Variants in RBM47 observed in about 807,000 individuals in gnomAD.
RBM47 encodes RNA-binding protein 47.
In RBM47, 21 loss-of-function variants were observed where a neutral mutation model predicts 47.1. That is an observed-to-expected ratio of 0.45 (90% CI 0.32 to 0.64). The LOEUF (loss-of-function observed/expected upper bound fraction) is 0.64, where lower values mean the gene tolerates loss of function less well. Among genes scored for constraint, RBM47 ranks in the 30% least tolerant of loss-of-function variants. The probability of loss-of-function intolerance (pLI) is 0.05; values close to 1 mark genes in which losing one functional copy is unlikely to be tolerated. For synonymous variants in RBM47, 375 were observed against 361.7 expected (o/e 1.04, Z -0.42); for missense variants, 708 against 870.9 (o/e 0.81, Z 2.35).
In RBM47 at chr4:40,627,648, G is replaced by A. The variant is rs567941346; in HGVS notation, c.-240+1748C>T. Among the ~76,000 whole-genome samples the A allele has an allele frequency of 3.3e-5, 5 of 152,184 alleles. No individual in the cohort carries two copies. The East Asian group carries it at 5.8e-4, about 18-fold the overall frequency. The stretch of plus-strand genomic sequence containing the variant: ...CAATCTTTTAAAAAATCATTACCTA[G>A]AACAGTAAACCAAATAGTCTAATAT... On this transcript the variant is annotated intron_variant, in intron 1 of 6. Coordinates refer to ENST00000295971, the MANE Select transcript of RBM47 (RefSeq NM_001098634.2).
At chr4:40,581,132 A>T (rs1201767496) in intron 1 of RBM47, among the ~76,000 whole-genome samples, 5 of 152,138 alleles carry the variant, frequency 3.3e-5, no homozygotes, top group African/African-American at 1.2e-4. Context: ...GTCTAAAGAA[A>T]AGGAGAAAGC....
In RBM47 at chr4:40,514,967, G is replaced by A. The variant is rs917066031; in HGVS notation, c.-155+29455C>T. Reference sequence around the variant, plus strand: ...GAGTTAATAAAGGGTGGAGTTCACCGGCGAATATGTAGACGCAGTAGCATC... The same window carrying A: ...GAGTTAATAAAGGGTGGAGTTCACCAGCGAATATGTAGACGCAGTAGCATC... On this transcript the variant is annotated intron_variant, in intron 2 of 6. Transcript: ENST00000295971. Among the ~76,000 whole-genome samples the A allele has an allele frequency of 3.9e-5, 6 of 152,178 alleles. No individual in the cohort carries two copies. In the East Asian group the frequency reaches 5.8e-4, roughly 15 times the overall value.
chr4:40,544,846 C>T (rs1577925977), intron 1 of RBM47, among the ~76,000 whole-genome samples: 1 of 152,012 alleles, frequency 6.6e-6, no homozygotes, highest in Non-Finnish European at 1.5e-5. Context: ...GAGGCAGGAG[C>T]ATCACTTTAA....
At chr4:40,560,347 C>T (rs566388144) in intron 1 of RBM47, among the ~76,000 whole-genome samples, 1 of 152,346 alleles carries the variant, frequency 6.6e-6, no homozygotes, top group East Asian at 1.9e-4. Flanking sequence ...TGCCAAGGCA[C>T]AGGTGTTTGA....
chr4:40,540,373 C>T (rs375974932), intron 2 of RBM47, among the ~76,000 whole-genome samples: 1 of 152,130 alleles, frequency 6.6e-6, no homozygotes, highest in Non-Finnish European at 1.5e-5. Context: ...GGCACAGTGG[C>T]TCACCCCTGT....
rs1473403953 is a variant in RBM47, at chr4:40,628,699, A to G, written c.-240+697T>C. Among the ~76,000 whole-genome samples the G allele has an allele frequency of 6.6e-6, 1 of 152,224 alleles. No homozygotes were observed. The highest frequency in any genetic ancestry group is 1.5e-5 in the Non-Finnish European group (1 of 68,042). On this transcript the variant is annotated intron_variant, in intron 1 of 6. Coordinates refer to ENST00000295971, the MANE Select transcript of RBM47 (RefSeq NM_001098634.2). This position sits in a 1 kb window ranked among gnomAD's most constrained non-coding sequence, Gnocchi z 4.0. Reference sequence around the variant, plus strand: ...GTTTGATTTTTAGTTCAGGTCGGTAATGGCCTGTAAGTACCTTGAAGATGG... The same window carrying G: ...GTTTGATTTTTAGTTCAGGTCGGTAGTGGCCTGTAAGTACCTTGAAGATGG...
intron 1 of RBM47, among the ~76,000 whole-genome samples, chr4:40,599,585 C>CA (rs1735055310): frequency 6.6e-6 from 1 of 152,062 alleles, no homozygotes; most frequent in Non-Finnish European, 1.5e-5. Context: ...TTGGGACACT[C>CA]ACGCTTGGGA....
At chr4:40,426,738 T>C (rs561753748) in intron 6 of RBM47, 1 of 152,362 alleles carries the variant, frequency 6.6e-6, no homozygotes, top group African/African-American at 2.4e-5. Context: ...TATTTTGACA[T>C]TTGTATTTTT....
intron 1 of RBM47, among the ~76,000 whole-genome samples, chr4:40,548,788 T>C (rs1250311793): frequency 2.6e-5 from 4 of 152,120 alleles, no homozygotes; most frequent in African/African-American, 9.7e-5. Flanking sequence ...TGCCTCAGCC[T>C]CCCAAGTAGC....
At chr4:40,577,177 GCTTCCTCAAATAGC>G in intron 1 of RBM47, among the ~76,000 whole-genome samples, 1 of 152,308 alleles carries the variant, frequency 6.6e-6, no homozygotes, top group East Asian at 1.9e-4. Context: ...TTATAGGTTT[GCTTCCTCAAATAGC>G]CTTCCTGGAG....
chr4:40,616,874 C>CTTTTTT (rs1300005872), intron 1 of RBM47, among the ~76,000 whole-genome samples: 124 of 111,628 alleles, frequency 1.1e-3, no homozygotes, highest in African/African-American at 1.5e-3. Context: ...ATTTTCTTTT[C>CTTTTTT]TTTTTTTTTT....
At chr4:40,625,636 T>C (rs189362688) in intron 1 of RBM47, among the ~76,000 whole-genome samples, 22 of 152,252 alleles carry the variant, frequency 1.4e-4, no homozygotes, top group Admixed American at 4.6e-4. Context: ...TGACAATTCA[T>C]TGAAGCAAGG....
chr4:40,511,920 G>A (rs1300579574), intron 2 of RBM47, among the ~76,000 whole-genome samples: 2 of 144,978 alleles, frequency 1.4e-5, no homozygotes, highest in Non-Finnish European at 3.0e-5. Flanking sequence ...GGGGGACACA[G>A]TAAGACTCTG....
At chr4:40,483,933 G>GA (rs1258592478) in intron 2 of RBM47, among the ~76,000 whole-genome samples, 3 of 151,740 alleles carry the variant, frequency 2.0e-5, no homozygotes, top group South Asian at 2.1e-4. Context: ...TAAGAAATAA[G>GA]AAAAAAAGCA....
intron 3 of RBM47, among the ~76,000 whole-genome samples, chr4:40,465,174 A>G (rs562946715): frequency 2.4e-4 from 37 of 152,286 alleles, no homozygotes; most frequent in African/African-American, 8.4e-4. Context: ...TTTCTCTCGC[A>G]GGGATTATTG....
At chr4:40,569,112 C>G (rs1466546723) in intron 1 of RBM47, among the ~76,000 whole-genome samples, 1 of 151,782 alleles carries the variant, frequency 6.6e-6, no homozygotes, top group South Asian at 2.1e-4. Context: ...ATTATTTCTA[C>G]AAAAACAGTT....
At chr4:40,491,511 T>C (rs1721864191) in intron 2 of RBM47, among the ~76,000 whole-genome samples, 1 of 149,690 alleles carries the variant, frequency 6.7e-6, no homozygotes, top group African/African-American at 2.6e-5. Flanking sequence ...TGGGAAGCTT[T>C]ATTTCTCAAA....
chr4:40,457,502 C>T (rs1238199727), intron 3 of RBM47, among the ~76,000 whole-genome samples: 1 of 151,908 alleles, frequency 6.6e-6, no homozygotes, highest in African/African-American at 2.4e-5. Context: ...AATGTAGTGA[C>T]ACGATCTCAG....
intron 2 of RBM47, among the ~76,000 whole-genome samples, chr4:40,502,625 G>T (rs1723522981): frequency 6.6e-6 from 1 of 152,130 alleles, no homozygotes; most frequent in Non-Finnish European, 1.5e-5. Flanking sequence ...CAGGAAGATT[G>T]CTTGAGCCCA....
Sources: allele counts gnomAD v4.1 joint callset (sites outside exome capture counted in the v4.1 genomes callset), GRCh38; gene constraint gnomAD v4.1.1; non-coding constraint Gnocchi (gnomAD v3.1); transcripts MANE v1.5; gene names NCBI Gene and HGNC (gene_info 2026-07-23, HGNC 2026-07-21).